Variants in SLC25A16 observed in about 807,000 individuals in gnomAD.
SLC25A16 encodes solute carrier family 25 member 16.
A neutral mutation model predicts 41.5 loss-of-function variants in SLC25A16; 39 were observed. That is an observed-to-expected ratio of 0.94 (90% confidence interval 0.73 to 1.23). The LOEUF is 1.23. Among genes scored for constraint, SLC25A16 ranks in the 50% most tolerant of loss-of-function variants. The pLI is 0.00. For missense variants in SLC25A16, 421 were observed against 426.9 expected (o/e 0.99, Z 0.12); for synonymous variants, 146 against 147.8 (o/e 0.99, Z 0.09).
At chr10:68,509,413 T>C (rs1017658617) in intron 2 of SLC25A16, among the ~76,000 whole-genome samples, 1 of 151,966 alleles carries the variant, frequency 6.6e-6, no homozygotes, top group Non-Finnish European at 1.5e-5. Flanking sequence ...AAAATAATTT[T>C]AATTTAAAAT....
At chr10:68,497,709 C>T (rs1281792384) in intron 4 of SLC25A16, among the ~76,000 whole-genome samples, 4 of 151,214 alleles carry the variant, frequency 2.6e-5, no homozygotes, top group East Asian at 1.9e-4. Context: ...CTCCGCCTCC[C>T]GGGTTCAAGC....
At chr10:68,524,085 C>T (rs902030834) in intron 1 of SLC25A16, among the ~76,000 whole-genome samples, 7 of 151,710 alleles carry the variant, frequency 4.6e-5, no homozygotes, top group African/African-American at 1.7e-4. Flanking sequence ...TCAAGGCGGG[C>T]GGATCACGAG....
intron 6 of SLC25A16, among the ~76,000 whole-genome samples, chr10:68,491,408 A>G (rs1027074135): frequency 6.6e-6 from 1 of 151,880 alleles, no homozygotes; most frequent in Admixed American, 6.6e-5. Context: ...TATTTTTAGT[A>G]GAGACGGTGT....
At chr10:68,509,646 T>C (rs1246926150) in intron 2 of SLC25A16, among the ~76,000 whole-genome samples, 2 of 150,470 alleles carry the variant, frequency 1.3e-5, no homozygotes, top group Non-Finnish European at 3.0e-5. Flanking sequence ...GAGGCTGCAG[T>C]GAGCTGTGAT....
At chr10:68,503,727 TA>T (rs768378608) in intron 3 of SLC25A16, 32 bp from the exon 4 acceptor site, 10 of 1,364,800 alleles carry the variant, frequency 7.3e-6, no homozygotes, top group Non-Finnish European at 1.0e-5. Context: ...TTAAATGAGA[TA>T]TTTTTTAAAT....
intron 2 of SLC25A16, among the ~76,000 whole-genome samples, chr10:68,509,495 G>A (rs879832312): frequency 7.9e-5 from 12 of 151,908 alleles, no homozygotes; most frequent in Admixed American, 2.6e-4. Flanking sequence ...TGGGAGGATC[G>A]CTTGAGCCCA....
At position 68,527,352 on chromosome 10, in the gene SLC25A16, T is replaced by TGCCGCGGCCGTC. The variant is rs1166913750; in HGVS notation, c.12_23dup (p.Thr5_Ala8dup). 6.6e-7 allele frequency: 1 copy of TGCCGCGGCCGTC among 1,510,974 alleles called. No homozygotes were observed. Among genetic ancestry groups the TGCCGCGGCCGTC allele is most frequent in the Non-Finnish European group, 8.8e-7 (1 of 1,134,218 alleles). 93.6% of individuals were successfully genotyped at this position (1,510,974 alleles called of 1,614,324 possible). ...GAGGGGGATCGGCCGCCGCCAGGGC[T>TGCCGCGGCCGTC]GCCGCGGCCGTCGCCGCCGCCATCA... On this transcript the variant is annotated inframe_insertion, in exon 1 of 9. Transcript: ENST00000609923.
At position 68,488,330 on chromosome 10, in the gene SLC25A16, G is replaced by A. The variant is rs1415163487; in HGVS notation, c.773+137C>T. On this transcript the variant is annotated intron_variant, in intron 7 of 8. Coordinates refer to ENST00000609923, the MANE Select transcript of SLC25A16 (RefSeq NM_152707.4). ...AAAGTGCACACACATCTGAAAAAAT[G>A]TATTAAATTGAGACCTATATTTTGC... is the stretch of plus-strand genomic sequence containing the variant. 5.4e-6 allele frequency: 3 copies of A among 557,936 alleles called. No individual in the cohort carries two copies. In the East Asian group the frequency reaches 9.8e-5, roughly 18 times the overall value. 34.6% of individuals were successfully genotyped at this position (557,936 alleles called of 1,614,324 possible).
Position 68,506,026 on chromosome 10 carries a change from C to G in SLC25A16, c.357+559G>C, listed in dbSNP as rs181800319. 4.6e-5 allele frequency among the ~76,000 whole-genome samples: 7 copies of G among 151,586 alleles called. No homozygotes were observed. The East Asian group carries it at 1.4e-3, about 29-fold the overall frequency. On this transcript the variant is annotated intron_variant, in intron 3 of 8. Transcript: ENST00000609923. ...CAGCCTGGGCAACAGAGTGAGACTC[C>G]ATCTCAAAAAATAAAATTAAATAAA...
chr10:68,478,544 AC>A lies in SLC25A16; in HGVS notation c.*4887del, dbSNP rs1022523023. On this transcript the variant is annotated 3_prime_UTR_variant, in exon 9 of 9. Transcript: ENST00000609923. Reference sequence around the variant, plus strand: ...ATTATACATAGGGTTTTTTAAAAAAACATTTTATATAAAAAAATGAGACAGA... The same window carrying A: ...ATTATACATAGGGTTTTTTAAAAAAAATTTTATATAAAAAAATGAGACAGA... 68 of 152,162 alleles carry A rather than the reference AC, an allele frequency of 4.5e-4. No individual in the cohort carries two copies. The highest frequency in any genetic ancestry group is 1.3e-3 in the African/African-American group (56 of 41,546). The allele number at this position is 152,162 out of a possible 1,614,324, so 9.4% of individuals were successfully genotyped here.
At chr10:68,488,322 G>C in intron 7 of SLC25A16, 145 bp downstream of exon 7, 1 of 549,778 alleles carries the variant, frequency 1.8e-6, no homozygotes, top group Admixed American at 3.8e-5. Context: ...ACACACATCT[G>C]AAAAAATGTA....
chr10:68,521,729 G>A (rs1422653138), intron 1 of SLC25A16, among the ~76,000 whole-genome samples: 2 of 149,880 alleles, frequency 1.3e-5, no homozygotes, highest in Non-Finnish European at 3.0e-5. Flanking sequence ...AAGTAGCTGG[G>A]ACTACAGGCG....
At position 68,480,930 on chromosome 10, in the gene SLC25A16, CTG is replaced by C. The variant is rs2052477786; in HGVS notation, c.*2500_*2501del. ...CTTTTTTTTTTCTTTTATACAGTCT[CTG>C]TATAAAAGAAATTTTTGTACAGCCT... On this transcript the variant is annotated 3_prime_UTR_variant, in exon 9 of 9. Coordinates refer to ENST00000609923, the MANE Select transcript of SLC25A16 (RefSeq NM_152707.4). 2.7e-5 allele frequency: 4 copies of C among 150,204 alleles called. No individual in the cohort carries two copies. In the South Asian group the frequency reaches 8.4e-4, roughly 32 times the overall value. The allele number at this position is 150,204 out of a possible 1,614,324, so 9.3% of individuals were successfully genotyped here. A position where few individuals can be genotyped will look rare whatever the true frequency, so the allele number is the denominator to read the frequency against.
At chr10:68,484,268 C>A (rs920873995) in intron 8 of SLC25A16, among the ~76,000 whole-genome samples, 2 of 152,110 alleles carry the variant, frequency 1.3e-5, no homozygotes, top group African/African-American at 2.4e-5. Context: ...GTATCAACAG[C>A]AGGTGGTTAT....
At chr10:68,517,272 C>G in intron 1 of SLC25A16, 1 of 986,522 alleles carries the variant, frequency 1.0e-6, no homozygotes, top group Admixed American at 6.1e-5. Context: ...TCTTCTGGAT[C>G]ATTTTTCATT....
At position 68,483,306 on chromosome 10, in the gene SLC25A16, TA is replaced by T; in HGVS notation, c.*125del. 1.6e-6 allele frequency: 1 copy of T among 621,630 alleles called. No individual in the cohort carries two copies. Among genetic ancestry groups the T allele is most frequent in the Non-Finnish European group, 2.7e-6 (1 of 370,856 alleles). 38.5% of individuals were successfully genotyped at this position (621,630 alleles called of 1,614,324 possible). A position where few individuals can be genotyped will look rare whatever the true frequency, so the allele number is the denominator to read the frequency against. On this transcript the variant is annotated 3_prime_UTR_variant, in exon 9 of 9. Transcript: ENST00000609923. The stretch of plus-strand genomic sequence containing the variant: ...GACTAAAGAAAAAATAATCAAGTAC[TA>T]AAATACCAGTGGCTCTTGTGACAGG...
chr10:68,491,950 T>C (rs550467334), intron 6 of SLC25A16, among the ~76,000 whole-genome samples: 56 of 152,178 alleles, frequency 3.7e-4, no homozygotes, highest in African/African-American at 1.3e-3. Flanking sequence ...TGCCTCAACC[T>C]CCTGAGTAGC....
At chr10:68,498,048 T>A (rs2052779442) in intron 4 of SLC25A16, among the ~76,000 whole-genome samples, 1 of 152,116 alleles carries the variant, frequency 6.6e-6, no homozygotes, top group Non-Finnish European at 1.5e-5. Flanking sequence ...TGCAGGATTC[T>A]CACACAGAAA....
At chr10:68,509,778 T>TAG (rs1327995918) in intron 2 of SLC25A16, among the ~76,000 whole-genome samples, 61 of 148,012 alleles carry the variant, frequency 4.1e-4, no homozygotes, top group Middle Eastern at 7.3e-3. Context: ...GATAGATAGA[T>TAG]ATATAGATAG....
Sources: allele counts gnomAD v4.1 joint callset (sites outside exome capture counted in the v4.1 genomes callset), GRCh38; gene constraint gnomAD v4.1.1; transcripts MANE v1.5; gene names NCBI Gene and HGNC (gene_info 2026-07-23, HGNC 2026-07-21).